The following MCC variants were observed in gnomAD, a reference collection of about 807,000 sequenced individuals.
MCC encodes the protein MCC regulator of Wnt signaling pathway.
A neutral mutation model predicts 116.2 loss-of-function variants in MCC; 90 were observed. That is an observed-to-expected ratio of 0.77 (90% CI 0.65 to 0.92). The LOEUF is 0.92. MCC is among the 40% of genes least tolerant of loss of function. MCC has a pLI of 0.00. For missense variants in MCC, 1,516 were observed against 1,312.2 expected (o/e 1.16, Z -2.40); for synonymous variants, 578 against 510.5 (o/e 1.13, Z -1.78).
At chr5:113,212,180 T>C (rs1033559763) in intron 3 of MCC, among the ~76,000 whole-genome samples, 1 of 152,226 alleles carries the variant, frequency 6.6e-6, no homozygotes, top group African/African-American at 2.4e-5. Flanking sequence ...TAAAATTATG[T>C]TGGTACATAC....
intron 3 of MCC, among the ~76,000 whole-genome samples, chr5:113,187,680 A>G (rs1183779353): frequency 6.6e-6 from 1 of 150,978 alleles, no homozygotes; most frequent in Non-Finnish European, 1.5e-5. Flanking sequence ...GCGTGAACCC[A>G]GGAGGCGGAG....
At chr5:113,365,139 AC>A (rs1378999596) in intron 2 of MCC, among the ~76,000 whole-genome samples, 2 of 152,172 alleles carry the variant, frequency 1.3e-5, no homozygotes, top group African/African-American at 4.8e-5. Context: ...AATTTTCCAA[AC>A]TTTTACACCC....
intron 3 of MCC, among the ~76,000 whole-genome samples, chr5:113,332,564 CA>C (rs35391036): frequency 0.45 from 39,637 of 88,266 alleles, 5,133 homozygotes; most frequent in Admixed American, 0.5. Context: ...AACCTGTCTC[CA>C]AAAAAAAAAA....
intron 1 of MCC, among the ~76,000 whole-genome samples, chr5:113,442,220 T>A (rs1056664868): frequency 7.9e-5 from 12 of 152,226 alleles, no homozygotes; most frequent in Admixed American, 7.9e-4. Flanking sequence ...AGTAACTCAT[T>A]GTGGTTTTGA....
chr5:113,056,175 G>A (rs888515251), intron 14 of MCC, among the ~76,000 whole-genome samples: 1 of 152,174 alleles, frequency 6.6e-6, no homozygotes, highest in Non-Finnish European at 1.5e-5. Flanking sequence ...CTTTACGTGT[G>A]ACCCAAGCGT....
At chr5:113,365,948 A>G (rs1241156677) in intron 2 of MCC, among the ~76,000 whole-genome samples, 2 of 152,164 alleles carry the variant, frequency 1.3e-5, no homozygotes, top group African/African-American at 4.8e-5. Context: ...CCTGTGATCT[A>G]ATCACTTCCC....
intron 1 of MCC, among the ~76,000 whole-genome samples, chr5:113,386,692 T>G (rs956214419): frequency 4.0e-5 from 6 of 151,504 alleles, no homozygotes; most frequent in African/African-American, 1.5e-4. Context: ...TATAAAGAAT[T>G]TTTACACATA....
chr5:113,375,360 C>A (rs1768957070), intron 2 of MCC, among the ~76,000 whole-genome samples: 1 of 152,122 alleles, frequency 6.6e-6, no homozygotes, highest in Admixed American at 6.5e-5. Flanking sequence ...TGTACTAGTT[C>A]TATTTATATG....
Position 113,488,388 on chromosome 5 carries a change from AGCCGCTGCC to A in MCC, c.18_26del (p.Ala8_Ala10del), listed in dbSNP as rs1772617903. On this transcript the variant is annotated inframe_deletion, in exon 1 of 19. Coordinates refer to ENST00000408903, the MANE Select transcript of MCC (RefSeq NM_001085377.2). The stretch of plus-strand genomic sequence containing the variant: ...CGCCGCCGCTGCTGGAGCTCCCCGC[AGCCGCTGCC>A]GCCGCGGCCGCCATCATGCGCCCGC... The A allele has an allele frequency of 2.8e-6, 4 of 1,417,532 alleles. No homozygotes were observed. Among genetic ancestry groups the A allele is most frequent in the Non-Finnish European group, 3.6e-6 (4 of 1,097,162 alleles). 87.8% of individuals were successfully genotyped at this position (1,417,532 alleles called of 1,614,324 possible). A position where few individuals can be genotyped will look rare whatever the true frequency, so the allele number is the denominator to read the frequency against.
chr5:113,039,951 C>T (rs762164641), intron 17 of MCC, among the ~76,000 whole-genome samples: 4 of 151,772 alleles, frequency 2.6e-5, no homozygotes, highest in Non-Finnish European at 5.9e-5. Flanking sequence ...TTACTAGGAC[C>T]AAGGGTGAGA....
intron 3 of MCC, among the ~76,000 whole-genome samples, chr5:113,256,968 T>C (rs2150346525): frequency 6.6e-6 from 1 of 152,292 alleles, no homozygotes; most frequent in Middle Eastern, 3.4e-3. Context: ...ATTCTTATCT[T>C]TATAGGAAAA....
At chr5:113,035,071 G>A (rs941754796) in intron 17 of MCC, among the ~76,000 whole-genome samples, 3 of 151,990 alleles carry the variant, frequency 2.0e-5, no homozygotes, top group African/African-American at 4.8e-5. Flanking sequence ...GTCTGTTTGC[G>A]GCCTCTTAAC....
At chr5:113,327,579 T>C (rs1561525239) in intron 3 of MCC, among the ~76,000 whole-genome samples, 1 of 133,628 alleles carries the variant, frequency 7.5e-6, no homozygotes, top group East Asian at 2.1e-4. Context: ...TATATATATA[T>C]ATATATAAAA....
At chr5:113,327,561 A>ATATATATATATATATATATATAT (rs1554076392) in intron 3 of MCC, among the ~76,000 whole-genome samples, 13 of 80,546 alleles carry the variant, frequency 1.6e-4, no homozygotes, top group Admixed American at 2.5e-4. Flanking sequence ...AAAAAAAAAA[A>ATATATATATATATATATATATAT]ATATATATAT....
chr5:113,310,128 G>A (rs938504966), intron 3 of MCC, among the ~76,000 whole-genome samples: 4 of 152,216 alleles, frequency 2.6e-5, no homozygotes, highest in African/African-American at 9.6e-5. Context: ...TTGAATGAGG[G>A]TGTCCCCTTC....
At chr5:113,092,863 G>C (rs957369497) in intron 8 of MCC, among the ~76,000 whole-genome samples, 1 of 152,182 alleles carries the variant, frequency 6.6e-6, no homozygotes, top group Non-Finnish European at 1.5e-5. Context: ...ATGTGATCCT[G>C]AGTAATTCCC....
intron 6 of MCC, among the ~76,000 whole-genome samples, chr5:113,116,050 C>A (rs1358538063): frequency 2.0e-5 from 3 of 152,216 alleles, no homozygotes; most frequent in Non-Finnish European, 4.4e-5. Context: ...CTCCCCCAGG[C>A]TCACTAACCT....
chr5:113,084,769 G>C (rs1042621999), intron 9 of MCC, among the ~76,000 whole-genome samples: 7 of 152,174 alleles, frequency 4.6e-5, no homozygotes, highest in African/African-American at 1.7e-4. Context: ...TTTTGTGGCA[G>C]AGCTGTCAGT....
intron 4 of MCC, among the ~76,000 whole-genome samples, chr5:113,145,047 G>T (rs766366573): frequency 1.9e-4 from 29 of 152,194 alleles, no homozygotes; most frequent in African/African-American, 7.0e-4. Flanking sequence ...AGGAAAAGGA[G>T]AAGTCCACAA....
Sources: allele counts gnomAD v4.1 joint callset (sites outside exome capture counted in the v4.1 genomes callset), GRCh38; gene constraint gnomAD v4.1.1; transcripts MANE v1.5; gene names NCBI Gene and HGNC (gene_info 2026-07-23, HGNC 2026-07-21).